The following PACRG variants were observed in gnomAD, a reference collection of about 807,000 sequenced individuals.
The protein encoded by PACRG is parkin coregulated gene protein.
PACRG carries 29 observed loss-of-function variants against 29.7 expected under a neutral mutation model. That is an observed-to-expected ratio of 0.98 (90% CI 0.73 to 1.33). PACRG has a LOEUF of 1.33. Among genes scored for constraint, PACRG ranks in the 40% most tolerant of loss-of-function variants. The probability of loss-of-function intolerance (pLI) is 0.00; values close to 1 mark genes in which losing one functional copy is unlikely to be tolerated. For missense variants in PACRG, 279 were observed against 316.2 expected, an observed-to-expected ratio of 0.88 and a Z score of 0.89; for synonymous variants, 116 against 118.7, an observed-to-expected ratio of 0.98 and a Z score of 0.15.
At chr6:163,201,950 T>C (rs922408852) in intron 4 of PACRG, among the ~76,000 whole-genome samples, 10 of 151,782 alleles carry the variant, frequency 6.6e-5, no homozygotes, top group African/African-American at 2.4e-4. Context: ...TTCAGAGGAG[T>C]GAGCGGGCCT....
In PACRG at chr6:163,036,857, T is replaced by TATCC. The variant is rs71008132; in HGVS notation, c.292-25238_292-25235dup. ...CCATCCATCCACCTATCCATCCAGC[T>TATCC]ATCCATCCATCCATCCATCCATCCA... On this transcript the variant is annotated intron_variant, in intron 2 of 4. Coordinates refer to ENST00000366888, the MANE Select transcript of PACRG (RefSeq NM_001080379.2). Among the ~76,000 whole-genome samples, 289 of 148,860 alleles carry TATCC rather than the reference T, an allele frequency of 1.9e-3. 2 individuals carry two copies. Among genetic ancestry groups the TATCC allele is most frequent in the Non-Finnish European group, 2.7e-3 (182 of 67,212 alleles).
In PACRG at chr6:163,315,061, A is replaced by C; in HGVS notation, c.*74A>C. 518 of 1,491,044 alleles carry C rather than the reference A, an allele frequency of 3.5e-4. No individual in the cohort carries two copies. The highest frequency in any genetic ancestry group is 5.8e-4 in the Middle Eastern group (3 of 5,212). 92.4% of individuals were successfully genotyped at this position (1,491,044 alleles called of 1,614,324 possible). A position where few individuals can be genotyped will look rare whatever the true frequency, so the allele number is the denominator to read the frequency against. ...CTGTCTCTGTTGCTTTTAGCATCTC[A>C]TTCCTTGTGACTTCCACAGCTTTCT... On this transcript the variant is annotated 3_prime_UTR_variant, in exon 5 of 5. Coordinates refer to ENST00000366888, the MANE Select transcript of PACRG (RefSeq NM_001080379.2).
At position 163,015,152 on chromosome 6, in the gene PACRG, A is replaced by G. The variant is rs183047668; in HGVS notation, c.292-46998A>G. Among the ~76,000 whole-genome samples the G allele has an allele frequency of 5.3e-5, 8 of 152,244 alleles. No individual in the cohort carries two copies. In the East Asian group the frequency reaches 1.5e-3, roughly 29 times the overall value. On this transcript the variant is annotated intron_variant, in intron 2 of 4. Transcript: ENST00000366888. ...TTGTCAACTTCATCAAAGATTAGATAGCTGTAGGTGTGTGGTTTTATTTCT... is the reference window on the plus strand; with the variant it reads ...TTGTCAACTTCATCAAAGATTAGATGGCTGTAGGTGTGTGGTTTTATTTCT...
chr6:162,786,906 A>G (rs1784505069), intron 1 of PACRG, among the ~76,000 whole-genome samples: 1 of 152,188 alleles, frequency 6.6e-6, no homozygotes. Context: ...AATCAAATGC[A>G]CTGTTAATGC....
chr6:162,938,444 G>C (rs904418534), intron 2 of PACRG, among the ~76,000 whole-genome samples: 2 of 152,058 alleles, frequency 1.3e-5, no homozygotes, highest in Non-Finnish European at 2.9e-5. Context: ...TCAAATGGTA[G>C]TTCTACTTTT....
At chr6:162,999,003 G>A (rs1804338612) in intron 2 of PACRG, among the ~76,000 whole-genome samples, 1 of 152,142 alleles carries the variant, frequency 6.6e-6, no homozygotes, top group South Asian at 2.1e-4. Context: ...ATGGCCAGCA[G>A]TCACAGCACC....
At chr6:162,976,850 T>C (rs893464959) in intron 2 of PACRG, among the ~76,000 whole-genome samples, 2 of 152,226 alleles carry the variant, frequency 1.3e-5, no homozygotes, top group South Asian at 2.1e-4. Flanking sequence ...AAATTCTAAA[T>C]ACTATTATTA....
chr6:162,740,420 C>T (rs950830482), intron 1 of PACRG, among the ~76,000 whole-genome samples: 2 of 151,272 alleles, frequency 1.3e-5, no homozygotes, highest in African/African-American at 4.9e-5. Flanking sequence ...ACGCCATTAT[C>T]CTGCCTCAGC....
At chr6:163,096,381 C>A (rs1814589828) in intron 4 of PACRG, among the ~76,000 whole-genome samples, 1 of 152,132 alleles carries the variant, frequency 6.6e-6, no homozygotes, top group South Asian at 2.1e-4. Context: ...GGGTTTGTAC[C>A]AATAAATGTG....
intron 2 of PACRG, among the ~76,000 whole-genome samples, chr6:162,864,290 G>C (rs1002217929): frequency 6.6e-6 from 1 of 152,114 alleles, no homozygotes; most frequent in Non-Finnish European, 1.5e-5. Flanking sequence ...AATTTGACAT[G>C]AAAGATATTC....
chr6:162,968,798 C>T (rs9458697), intron 2 of PACRG, among the ~76,000 whole-genome samples: 23,643 of 151,998 alleles, frequency 0.16, 3,231 homozygotes, highest in African/African-American at 0.36. Flanking sequence ...CCTGTAATCC[C>T]AGCACTTTGG....
chr6:163,172,922 G>A (rs1779155528), intron 4 of PACRG, among the ~76,000 whole-genome samples: 1 of 152,182 alleles, frequency 6.6e-6, no homozygotes, highest in African/African-American at 2.4e-5. Context: ...TAAGTTAAAT[G>A]TCTACCAATA....
At chr6:162,784,079 ATT>A (rs1784284228) in intron 1 of PACRG, among the ~76,000 whole-genome samples, 1 of 152,312 alleles carries the variant, frequency 6.6e-6, no homozygotes. Flanking sequence ...AAAATTACAA[ATT>A]TAGAATATTG....
intron 2 of PACRG, among the ~76,000 whole-genome samples, chr6:162,895,947 G>T (rs1795132933): frequency 6.6e-6 from 1 of 152,084 alleles, no homozygotes. Context: ...TTTCAGCCAG[G>T]CTTTTTTCTT....
chr6:162,794,783 A>AT (rs1353809968), intron 1 of PACRG, among the ~76,000 whole-genome samples: 31 of 152,282 alleles, frequency 2.0e-4, no homozygotes, highest in African/African-American at 6.5e-4. Context: ...GTTCTGTACC[A>AT]TGTACTATTA....
chr6:163,256,076 C>G (rs1342480699), intron 4 of PACRG, among the ~76,000 whole-genome samples: 1 of 152,216 alleles, frequency 6.6e-6, no homozygotes, highest in Non-Finnish European at 1.5e-5. Context: ...ATGTACTATT[C>G]TACGTTCTGC....
At chr6:163,299,390 G>A (rs751385073) in intron 4 of PACRG, among the ~76,000 whole-genome samples, 8 of 152,232 alleles carry the variant, frequency 5.3e-5, no homozygotes, top group Admixed American at 2.0e-4. Flanking sequence ...CCCCATAGAC[G>A]TGTCAGGAAC....
intron 1 of PACRG, among the ~76,000 whole-genome samples, chr6:162,742,131 C>G (rs935310784): frequency 6.6e-6 from 1 of 152,100 alleles, no homozygotes; most frequent in South Asian, 2.1e-4. Flanking sequence ...CTAGATTCCA[C>G]GTATGATATG....
chr6:162,907,738 A>G (rs770456621), intron 2 of PACRG, among the ~76,000 whole-genome samples: 2 of 152,194 alleles, frequency 1.3e-5, no homozygotes, highest in Admixed American at 6.5e-5. Flanking sequence ...TACACTTGAA[A>G]TAGACTCATA....
Sources: gnomAD v4.1 joint callset for allele counts (sites outside exome capture counted in the v4.1 genomes callset) on GRCh38, gnomAD v4.1.1 for gene constraint, MANE v1.5 for transcripts, NCBI Gene and HGNC (gene_info 2026-07-23, HGNC 2026-07-21) for gene names.